The following IFNA21 variants were observed in gnomAD, a reference collection of about 807,000 sequenced individuals.
IFNA21 encodes interferon alpha-21.
For missense variants in IFNA21, 272 were observed against 212.7 expected (o/e 1.28, Z -1.73); for synonymous variants, 101 against 82.9 (o/e 1.22, Z -1.19).
rs769407422 is a variant in IFNA21, at chr9:21,166,250, G to T, written c.363C>A (p.Ala121=). ...ELNQQLNDLE[A]CVIQEVGVEE... is the part of the protein sequence containing the mutation. ...CCACCCCAACCTCCTGTATCACGCA[G>T]GCTTCCAGGTCATTCAGCTGCTGGT... Residue 121 remains alanine, a synonymous_variant, in exon 1 of 1, where the codon GCC becomes GCA. Transcript: ENST00000380225. The T allele has an allele frequency of 5.3e-5, 86 of 1,614,016 alleles. No homozygotes were observed. The highest frequency in any genetic ancestry group is 8.0e-5 in the African/African-American group (6 of 74,906).
rs747512499 is a variant in IFNA21, at chr9:21,166,602, G to A, written c.11C>T (p.Ser4Phe). The A allele has an allele frequency of 6.2e-7, 1 of 1,612,392 alleles. No homozygotes were observed. The highest frequency in any genetic ancestry group is 8.5e-7 in the Non-Finnish European group (1 of 1,179,046). MAL[S>F]FSLLMAVLVL... The stretch of plus-strand genomic sequence containing the variant: ...CAGCACGGCCATCAGTAAAGAAAAG[G>A]ACAGGGCCATTGGGATGTTGCCAAT... Residue 4 changes from serine to phenylalanine, a missense_variant, in exon 1 of 1, where the codon TCC (serine) becomes TTC (phenylalanine). Coordinates refer to ENST00000380225, the MANE Select transcript of IFNA21 (RefSeq NM_002175.2).
Position 21,165,939 on chromosome 9 carries a change from C to T in IFNA21, c.*104G>A, listed in dbSNP as rs1356094025. 1 of 1,415,592 alleles carries T rather than the reference C, an allele frequency of 7.1e-7. No homozygotes were observed. 87.7% of individuals were successfully genotyped at this position (1,415,592 alleles called of 1,614,324 possible). On this transcript the variant is annotated 3_prime_UTR_variant, in exon 1 of 1. Transcript: ENST00000380225. ...AAGATCTGAAAATTTTGATTCAACT[C>T]ATGCGGTGGTTATAGGAGAAATGAG...
chr9:21,166,491 A>G lies in IFNA21; in HGVS notation c.122T>C (p.Leu41Pro), dbSNP rs1399239945. Residue 41 changes from leucine to proline, a missense_variant, in exon 1 of 1, where the codon CTG becomes CCG. Transcript: ENST00000380225. Reference sequence around the variant, plus strand: ...AGGAGAGATTCTTCCCATTTGTGCCAGGAGTATCAAGGCCCTCCTATTACC... The same window carrying G: ...AGGAGAGATTCTTCCCATTTGTGCCGGGAGTATCAAGGCCCTCCTATTACC... ...SLGNRRALIL[L>P]AQMGRISPFS... is the part of the protein sequence containing the mutation. 1.2e-6 allele frequency: 2 copies of G among 1,614,172 alleles called. No homozygotes were observed.
In IFNA21 at chr9:21,166,235, C is replaced by A. The variant is rs1240729604; in HGVS notation, c.378G>T (p.Glu126Asp). The change falls in exon 1 of 1, where the codon GAG (glutamate) becomes GAT (aspartate). Residue 126 changes from glutamate to aspartate, a missense_variant. Transcript: ENST00000380225. Reference sequence around the variant, plus strand: ...TCAGGGGAGTCTCTTCCACCCCAACCTCCTGTATCACGCAGGCTTCCAGGT... The same window carrying A: ...TCAGGGGAGTCTCTTCCACCCCAACATCCTGTATCACGCAGGCTTCCAGGT... ...LNDLEACVIQEVGVEETPLMN... is the reference protein window; with the variant it reads ...LNDLEACVIQDVGVEETPLMN... 6.2e-7 allele frequency: 1 copy of A among 1,614,140 alleles called. No individual in the cohort carries two copies. Among genetic ancestry groups the A allele is most frequent in the African/African-American group, 1.3e-5 (1 of 75,044 alleles).
chr9:21,166,604 C>T lies in IFNA21; in HGVS notation c.9G>A (p.Leu3=), dbSNP rs1205948057. ...GCACGGCCATCAGTAAAGAAAAGGA[C>T]AGGGCCATTGGGATGTTGCCAATAT... MA[L]SFSLLMAVLV... The change falls in exon 1 of 1, where the codon CTG becomes CTA. Residue 3 remains leucine, a synonymous_variant. Coordinates refer to ENST00000380225, the MANE Select transcript of IFNA21 (RefSeq NM_002175.2). 2 of 1,612,224 alleles carry T rather than the reference C, an allele frequency of 1.2e-6. No homozygotes were observed. Among genetic ancestry groups the T allele is most frequent in the Non-Finnish European group, 1.7e-6 (2 of 1,178,910 alleles).
chr9:21,166,021 C>A lies in IFNA21; in HGVS notation c.*22G>T, dbSNP rs749357402. ...GACTGGTGTATTAGTCAATACAGAT[C>A]ATTTCCATGTTGAAACAGGTTTCAT... On this transcript the variant is annotated 3_prime_UTR_variant, in exon 1 of 1. Transcript: ENST00000380225. The A allele has an allele frequency of 1.9e-6, 3 of 1,609,352 alleles. No homozygotes were observed. The Admixed American group carries it at 5.0e-5, about 27-fold the overall frequency.
At position 21,166,282 on chromosome 9, in the gene IFNA21, C is replaced by T. The variant is rs772676766; in HGVS notation, c.331G>A (p.Glu111Lys). The change falls in exon 1 of 1, where the codon GAA becomes AAA. Residue 111 changes from glutamate to lysine, a missense_variant. Glu to Lys is a moderately conservative substitution (Grantham distance 56). Transcript: ENST00000380225. ...AGGTCATTCAGCTGCTGGTTAAGTT[C>T]AGTGGAAAATTTTTCTAGGAGGCTC... ...EQSLLEKFST[E>K]LNQQLNDLEA... The T allele has an allele frequency of 6.2e-7, 1 of 1,614,104 alleles. No individual in the cohort carries two copies. The highest frequency in any genetic ancestry group is 1.1e-5 in the South Asian group (1 of 91,076).
chr9:21,166,201 C>T lies in IFNA21; in HGVS notation c.412G>A (p.Asp138Asn), dbSNP rs745839259. ...TATTTCTTCACAGCCAGGATGGAGT[C>T]CACATTCATCAGGGGAGTCTCTTCC... Reference protein sequence around the residue: ...GVEETPLMNVDSILAVKKYFQ... With the variant: ...GVEETPLMNVNSILAVKKYFQ... The change falls in exon 1 of 1, where the codon GAC becomes AAC. Residue 138 changes from aspartate to asparagine, a missense_variant. Physicochemically the swap from Asp to Asn is conservative, Grantham distance 23. Coordinates refer to ENST00000380225, the MANE Select transcript of IFNA21 (RefSeq NM_002175.2). The T allele has an allele frequency of 3.1e-6, 5 of 1,614,136 alleles. No individual in the cohort carries two copies. The South Asian group carries it at 5.5e-5, about 18-fold the overall frequency.
At position 21,166,581 on chromosome 9, in the gene IFNA21, A is replaced by T. The variant is rs756884064; in HGVS notation, c.32T>A (p.Val11Glu). The change falls in exon 1 of 1, where the codon GTG (valine) becomes GAG (glutamate). Residue 11 changes from valine (V) to glutamate (E), a missense_variant. Transcript: ENST00000380225. The stretch of plus-strand genomic sequence containing the variant: ...GATGGATTTGTAGCTGAGCACCAGC[A>T]CGGCCATCAGTAAAGAAAAGGACAG... MALSFSLLMA[V>E]LVLSYKSICS... is the part of the protein sequence containing the mutation. 1.9e-6 allele frequency: 3 copies of T among 1,613,896 alleles called. No individual in the cohort carries two copies. The highest frequency in any genetic ancestry group is 2.5e-6 in the Non-Finnish European group (3 of 1,179,868).
the IFNA21 span, chr9:21,166,060 ATCTT>A: frequency 1.9e-6 from 3 of 1,613,800 alleles, no homozygotes; most frequent in Non-Finnish European, 2.5e-6. Flanking sequence ...TTCCTCCTTA[ATCTT>A]TCTTGAAAAA....
In IFNA21 at chr9:21,166,189, C is replaced by G; in HGVS notation, c.424G>C (p.Ala142Pro). The G allele has an allele frequency of 6.2e-7, 1 of 1,614,172 alleles. No individual in the cohort carries two copies. The highest frequency in any genetic ancestry group is 8.5e-7 in the Non-Finnish European group (1 of 1,180,020). ...ATTCTTTGGAAGTATTTCTTCACAG[C>G]CAGGATGGAGTCCACATTCATCAGG... is the stretch of plus-strand genomic sequence containing the variant. ...TPLMNVDSILAVKKYFQRITL... is the reference protein window; with the variant it reads ...TPLMNVDSILPVKKYFQRITL... The change falls in exon 1 of 1, where the codon GCT becomes CCT. Residue 142 changes from alanine (A) to proline (P), a missense_variant. Coordinates refer to ENST00000380225, the MANE Select transcript of IFNA21 (RefSeq NM_002175.2).
Position 21,165,885 on chromosome 9 carries a change from TA to T in IFNA21, c.*157del. ...TGTAAAGGACTAGTGCCTGCACAGG[TA>T]AACATGATGTTTCCTTACACTCCTG... On this transcript the variant is annotated 3_prime_UTR_variant, in exon 1 of 1. Transcript: ENST00000380225. The T allele has an allele frequency of 1.1e-6, 1 of 910,530 alleles. No homozygotes were observed. 56.4% of individuals were successfully genotyped at this position (910,530 alleles called of 1,614,324 possible). A position where few individuals can be genotyped will look rare whatever the true frequency, so the allele number is the denominator to read the frequency against.
In IFNA21 at chr9:21,166,276, T is replaced by A. The variant is rs45579138; in HGVS notation, c.337A>T (p.Asn113Tyr). 2.0e-4 allele frequency: 323 copies of A among 1,614,128 alleles called. No individual in the cohort carries two copies. In the African/African-American group the frequency reaches 3.4e-3, roughly 17 times the overall value. ...GCTTCCAGGTCATTCAGCTGCTGGTTAAGTTCAGTGGAAAATTTTTCTAGG... is the reference window on the plus strand; with the variant it reads ...GCTTCCAGGTCATTCAGCTGCTGGTAAAGTTCAGTGGAAAATTTTTCTAGG... ...SLLEKFSTEL[N>Y]QQLNDLEACV... Residue 113 changes from asparagine to tyrosine, a missense_variant, in exon 1 of 1, where the codon AAC (asparagine) becomes TAC (tyrosine). Transcript: ENST00000380225.
Position 21,166,431 on chromosome 9 carries a change from A to T in IFNA21, c.182T>A (p.Phe61Tyr). The part of the protein sequence containing the change: ...SCLKDRHDFG[F>Y]PQEEFDGNQF... ...GTTGCCATCAAACTCCTCCTGGGGG[A>T]ATCCAAAGTCATGTCTGTCCTTCAG... is the stretch of plus-strand genomic sequence containing the variant. The change falls in exon 1 of 1, where the codon TTC becomes TAC. Residue 61 changes from phenylalanine (F) to tyrosine (Y), a missense_variant. Transcript: ENST00000380225. The T allele has an allele frequency of 6.2e-7, 1 of 1,614,078 alleles. No homozygotes were observed. The highest frequency in any genetic ancestry group is 8.5e-7 in the Non-Finnish European group (1 of 1,180,006).
chr9:21,166,082 T>A lies in IFNA21; in HGVS notation c.531A>T (p.Leu177Phe). 6.2e-7 allele frequency: 1 copy of A among 1,613,840 alleles called. No homozygotes were observed. Among genetic ancestry groups the A allele is most frequent in the South Asian group, 1.1e-5 (1 of 91,008 alleles). ...VRAEIMRSFS[L>F]SKIFQERLRR... The stretch of plus-strand genomic sequence containing the variant: ...TTAATCTTTCTTGAAAAATTTTTGA[T>A]AAAGAGAAGGATCTCATGATTTCTG... Residue 177 changes from leucine to phenylalanine, a missense_variant, in exon 1 of 1, where the codon TTA becomes TTT. Leu to Phe is a conservative substitution (Grantham distance 22). Coordinates refer to ENST00000380225, the MANE Select transcript of IFNA21 (RefSeq NM_002175.2).
chr9:21,165,962 G>C lies in IFNA21; in HGVS notation c.*81C>G. On this transcript the variant is annotated 3_prime_UTR_variant, in exon 1 of 1. Coordinates refer to ENST00000380225, the MANE Select transcript of IFNA21 (RefSeq NM_002175.2). Reference sequence around the variant, plus strand: ...CTCATGCGGTGGTTATAGGAGAAATGAGTCTTTGAAATGGCAGAAGTCATA... The same window carrying C: ...CTCATGCGGTGGTTATAGGAGAAATCAGTCTTTGAAATGGCAGAAGTCATA... 1 of 1,498,720 alleles carries C rather than the reference G, an allele frequency of 6.7e-7. No individual in the cohort carries two copies. The highest frequency in any genetic ancestry group is 9.0e-7 in the Non-Finnish European group (1 of 1,111,384). The allele number at this position is 1,498,720 out of a possible 1,614,324, so 92.8% of individuals were successfully genotyped here.
rs1819654240 is a variant in IFNA21 at position 21,165,697 on chromosome 9, A to G, written c.*346T>C. 1 of 153,162 alleles carries G rather than the reference A, an allele frequency of 6.5e-6. No homozygotes were observed. Among genetic ancestry groups the G allele is most frequent in the Non-Finnish European group, 1.5e-5 (1 of 68,860 alleles). 9.5% of individuals were successfully genotyped at this position (153,162 alleles called of 1,614,324 possible). On this transcript the variant is annotated 3_prime_UTR_variant, in exon 1 of 1. Transcript: ENST00000380225. ...AATATAAGAAGTTTTAATAGTAAAA[A>G]TTAATAAAAAGAAAATAATATATTG...
In IFNA21 at chr9:21,165,668, AAAT is replaced by A. The variant is rs1307557741; in HGVS notation, c.*372_*374del. 1 of 152,960 alleles carries A rather than the reference AAAT, an allele frequency of 6.5e-6. No homozygotes were observed. Among genetic ancestry groups the A allele is most frequent in the Non-Finnish European group, 1.5e-5 (1 of 68,748 alleles). The allele number at this position is 152,960 out of a possible 1,614,324, so 9.5% of individuals were successfully genotyped here. A position where few individuals can be genotyped will look rare whatever the true frequency, so the allele number is the denominator to read the frequency against. On this transcript the variant is annotated 3_prime_UTR_variant, in exon 1 of 1. Coordinates refer to ENST00000380225, the MANE Select transcript of IFNA21 (RefSeq NM_002175.2). ...GGTATTTCTTTATTAAAGAATAAAC[AAAT>A]AATATAAGAAGTTTTAATAGTAAAA... is the stretch of plus-strand genomic sequence containing the variant.
In IFNA21 at chr9:21,166,107, G is replaced by A; in HGVS notation, c.506C>T (p.Ala169Val). The change falls in exon 1 of 1, where the codon GCA becomes GTA. Residue 169 changes from alanine (A) to valine (V), a missense_variant. Physicochemically the swap from Ala to Val is moderately conservative, Grantham distance 64 (BLOSUM62 0). Coordinates refer to ENST00000380225, the MANE Select transcript of IFNA21 (RefSeq NM_002175.2). ...YSPCAWEVVR[A>V]EIMRSFSLSK... ...TAAAGAGAAGGATCTCATGATTTCTGCTCTGACAACCTCCCAGGCACAAGG... is the reference window on the plus strand; with the variant it reads ...TAAAGAGAAGGATCTCATGATTTCTACTCTGACAACCTCCCAGGCACAAGG... 6.2e-7 allele frequency: 1 copy of A among 1,614,054 alleles called. No homozygotes were observed. The highest frequency in any genetic ancestry group is 2.2e-5 in the East Asian group (1 of 44,880).
Sources: gnomAD v4.1 joint callset for allele counts on GRCh38, gnomAD v4.1.1 for gene constraint, MANE v1.5 for transcripts, NCBI Gene and HGNC (gene_info 2026-07-23, HGNC 2026-07-21) for gene names.